Variants in CADM2 observed in about 807,000 individuals in gnomAD.
CADM2 encodes the protein cell adhesion molecule 2.
In CADM2, 12 loss-of-function variants were observed where a neutral mutation model predicts 49.8. That is an observed-to-expected ratio of 0.24 (90% CI 0.15 to 0.39). The LOEUF is 0.39. CADM2 is among the 10% of genes least tolerant of loss of function. The pLI, the probability that CADM2 is intolerant of heterozygous loss-of-function variation, is 1.00. For missense variants in CADM2, 378 were observed against 492.3 expected, an observed-to-expected ratio of 0.77 and a Z score of 2.20; for synonymous variants, 214 against 175.4, an observed-to-expected ratio of 1.22 and a Z score of -1.74.
At chr3:85,047,706 A>C (rs1392285022) in intron 1 of CADM2, among the ~76,000 whole-genome samples, 2 of 152,174 alleles carry the variant, frequency 1.3e-5, no homozygotes, top group Non-Finnish European at 2.9e-5. Context: ...GAGATACTTT[A>C]TCCAATGGTC....
At chr3:85,348,784 A>G (rs934490757) in intron 1 of CADM2, among the ~76,000 whole-genome samples, 1 of 152,158 alleles carries the variant, frequency 6.6e-6, no homozygotes, top group Non-Finnish European at 1.5e-5. Context: ...TAACACAAAA[A>G]TTCATGAGAA....
chr3:85,334,260 G>T (rs2045016226), intron 1 of CADM2, among the ~76,000 whole-genome samples: 1 of 151,282 alleles, frequency 6.6e-6, no homozygotes, highest in South Asian at 2.1e-4. Context: ...CAGGTAGTTG[G>T]GTCATTAAAT....
chr3:85,862,238 G>A (rs1439247495), intron 3 of CADM2, among the ~76,000 whole-genome samples: 1 of 151,878 alleles, frequency 6.6e-6, no homozygotes, highest in East Asian at 1.9e-4. Flanking sequence ...CTCTCAATTA[G>A]GATATTTCTT....
At chr3:85,812,950 T>C (rs1353572502) in intron 3 of CADM2, among the ~76,000 whole-genome samples, 1 of 152,202 alleles carries the variant, frequency 6.6e-6, no homozygotes, top group Non-Finnish European at 1.5e-5. Context: ...AGTCTATCAT[T>C]GATGGACATT....
At chr3:85,473,631 C>T (rs1401581101) in intron 1 of CADM2, among the ~76,000 whole-genome samples, 1 of 152,034 alleles carries the variant, frequency 6.6e-6, no homozygotes, top group Non-Finnish European at 1.5e-5. Flanking sequence ...GTTGGAGGAA[C>T]TAGAAAAAGT....
At chr3:85,552,720 A>ATG (rs2061843669) in intron 1 of CADM2, among the ~76,000 whole-genome samples, 1 of 151,402 alleles carries the variant, frequency 6.6e-6, no homozygotes, top group Admixed American at 6.6e-5. Flanking sequence ...TCTGTCGCCC[A>ATG]GGCTGGAATG....
chr3:85,625,896 C>T (rs903368995), intron 1 of CADM2, among the ~76,000 whole-genome samples: 5 of 151,870 alleles, frequency 3.3e-5, no homozygotes, highest in African/African-American at 1.2e-4. Flanking sequence ...ACAAACTGAG[C>T]GATATCTTGA....
chr3:85,229,259 A>C (rs2042229505), intron 1 of CADM2, among the ~76,000 whole-genome samples: 1 of 152,062 alleles, frequency 6.6e-6, no homozygotes, highest in African/African-American at 2.4e-5. Context: ...TGGCCATGGG[A>C]CCCGCTGAGC....
intron 1 of CADM2, among the ~76,000 whole-genome samples, chr3:85,088,602 A>G (rs55959108): frequency 0.043 from 6,520 of 152,144 alleles, 165 homozygotes; most frequent in South Asian, 0.046. Flanking sequence ...AACTGCAAGC[A>G]GGTCTTTATT....
At chr3:85,550,534 T>C (rs963080692) in intron 1 of CADM2, among the ~76,000 whole-genome samples, 8 of 152,198 alleles carry the variant, frequency 5.3e-5, no homozygotes, top group African/African-American at 1.9e-4. Flanking sequence ...TCTGGTACAC[T>C]CTCAAGTTTG....
chr3:85,364,767 A>C (rs568238715), intron 1 of CADM2, among the ~76,000 whole-genome samples: 1 of 152,302 alleles, frequency 6.6e-6, no homozygotes, highest in African/African-American at 2.4e-5. Flanking sequence ...AACTTGCTAA[A>C]GCATCCTGGC....
At chr3:85,242,434 G>T (rs1310244358) in intron 1 of CADM2, among the ~76,000 whole-genome samples, 1 of 151,380 alleles carries the variant, frequency 6.6e-6, no homozygotes, top group African/African-American at 2.4e-5. Context: ...TCTACATTTT[G>T]CCTTTATAGG....
chr3:85,066,713 T>C (rs566556025), intron 1 of CADM2, among the ~76,000 whole-genome samples: 2 of 152,296 alleles, frequency 1.3e-5, no homozygotes, highest in South Asian at 2.1e-4. Flanking sequence ...CAAATCTCAT[T>C]AGTTCTTCAA....
chr3:86,020,441 T>A (rs13086784), intron 8 of CADM2, among the ~76,000 whole-genome samples: 29,707 of 151,826 alleles, frequency 0.2, 3,046 homozygotes, highest in East Asian at 0.27. Flanking sequence ...CTTCTGAAAC[T>A]ACTCCAATCA....
At chr3:85,799,940 G>A (rs74765550) in intron 2 of CADM2, 8,267 of 152,420 alleles carry the variant, frequency 0.054, 644 homozygotes, top group African/African-American at 0.17. Context: ...GCTATCTTCA[G>A]AGCTAGCAGG....
intron 6 of CADM2, among the ~76,000 whole-genome samples, chr3:85,930,066 AG>A (rs1275257122): frequency 6.6e-6 from 1 of 152,106 alleles, no homozygotes; most frequent in African/African-American, 2.4e-5. Flanking sequence ...ATGTTTAAAG[AG>A]GAATAATTTA....
At chr3:85,501,072 A>T (rs1250293370) in intron 1 of CADM2, among the ~76,000 whole-genome samples, 2 of 152,220 alleles carry the variant, frequency 1.3e-5, no homozygotes, top group Non-Finnish European at 2.9e-5. Context: ...AACGAATGTC[A>T]CCAGTTGTTT....
At chr3:85,611,909 A>C (rs1486094170) in intron 1 of CADM2, among the ~76,000 whole-genome samples, 1 of 151,866 alleles carries the variant, frequency 6.6e-6, no homozygotes, top group Non-Finnish European at 1.5e-5. Flanking sequence ...GCAAAGGTTA[A>C]GAGTAGAGAA....
chr3:85,190,157 A>G (rs543098290), intron 1 of CADM2, among the ~76,000 whole-genome samples: 67 of 152,040 alleles, frequency 4.4e-4, no homozygotes, highest in African/African-American at 1.5e-3. Flanking sequence ...ACCACACTCA[A>G]AAAATGAGGG....
Sources: allele counts gnomAD v4.1 joint callset (sites outside exome capture counted in the v4.1 genomes callset), GRCh38; gene constraint gnomAD v4.1.1; transcripts MANE v1.5; gene names NCBI Gene and HGNC (gene_info 2026-07-23, HGNC 2026-07-21).